Variants in VSIR observed in about 807,000 individuals in gnomAD.
The protein encoded by VSIR is V-set immunoregulatory receptor, also known as V-type immunoglobulin domain-containing suppressor of T-cell activation.
In VSIR, 10 loss-of-function variants were observed where a neutral mutation model predicts 31.0. The ratio of observed to expected loss-of-function variants is 0.32; its 90% confidence interval spans 0.20 to 0.55. VSIR has a LOEUF of 0.55. Ranked by LOEUF, VSIR falls within the 20% of genes least tolerant of loss-of-function variation. The probability of loss-of-function intolerance (pLI) is 0.93; values close to 1 mark genes in which losing one functional copy is unlikely to be tolerated. For synonymous variants in VSIR, 179 were observed against 180.1 expected (o/e 0.99, Z 0.05); for missense variants, 356 against 416.2 (o/e 0.86, Z 1.26).
At position 71,754,554 on chromosome 10, in the gene VSIR, A is replaced by C. The variant is rs1331164163; in HGVS notation, c.676+805T>G. Among the ~76,000 whole-genome samples, 7 of 152,282 alleles carry C rather than the reference A, an allele frequency of 4.6e-5. No homozygotes were observed. The East Asian group carries it at 1.4e-3, about 29-fold the overall frequency. On this transcript the variant is annotated intron_variant, in intron 4 of 6. Coordinates refer to ENST00000394957, the MANE Select transcript of VSIR (RefSeq NM_022153.2). ...CCAAGACTCAAGGGCAGGGTCAGGA[A>C]CTAGGCAAGGGGCACTGTCACCTGG...
intron 4 of VSIR, among the ~76,000 whole-genome samples, chr10:71,753,374 T>A (rs796576039): frequency 1.3e-5 from 2 of 152,356 alleles, no homozygotes; most frequent in African/African-American, 4.8e-5. Flanking sequence ...AACTCTTGAA[T>A]TTGCTAACTG....
At chr10:71,758,228 A>T (rs1224341159) in intron 3 of VSIR, among the ~76,000 whole-genome samples, 1 of 152,162 alleles carries the variant, frequency 6.6e-6, no homozygotes, top group Non-Finnish European at 1.5e-5. Flanking sequence ...CTGAGTAAAA[A>T]GTCACTGTAG....
chr10:71,769,933 T>G (rs1379294312), intron 1 of VSIR, among the ~76,000 whole-genome samples: 1 of 152,122 alleles, frequency 6.6e-6, no homozygotes, highest in Non-Finnish European at 1.5e-5. Flanking sequence ...CAGGCTTGCC[T>G]TCAAGTTGCA....
rs867730028 is a variant in VSIR, at chr10:71,759,854, C to T, written c.568+1014G>A. ...ACACACACACACACACACATATACA[C>T]ACACACACACATATATATACACACA... On this transcript the variant is annotated intron_variant, in intron 3 of 6. Transcript: ENST00000394957. 1.9e-3 allele frequency among the ~76,000 whole-genome samples: 213 copies of T among 109,270 alleles called. 9 individuals are homozygous for T. The highest frequency in any genetic ancestry group is 9.3e-3 in the Middle Eastern group (2 of 214). 71.7% of individuals were successfully genotyped at this position (109,270 alleles called of 152,430 possible).
intron 1 of VSIR, among the ~76,000 whole-genome samples, chr10:71,772,645 A>T (rs1840714076): frequency 6.6e-6 from 1 of 152,194 alleles, no homozygotes; most frequent in South Asian, 2.1e-4. Context: ...GAGATGCCGT[A>T]ATTTATCCAG....
intron 3 of VSIR, among the ~76,000 whole-genome samples, chr10:71,757,817 G>A (rs572685044): frequency 2.6e-5 from 4 of 152,310 alleles, no homozygotes; most frequent in African/African-American, 9.6e-5. Flanking sequence ...GGTGAAAGCA[G>A]ACAGCACATT....
intron 1 of VSIR, among the ~76,000 whole-genome samples, chr10:71,770,096 G>A (rs982091706): frequency 1.5e-4 from 23 of 152,194 alleles, no homozygotes; most frequent in Non-Finnish European, 3.1e-4. Flanking sequence ...TCCCAGTGAA[G>A]CTCACCAATG....
At chr10:71,767,655 C>T (rs749477486) in intron 1 of VSIR, among the ~76,000 whole-genome samples, 13 of 152,202 alleles carry the variant, frequency 8.5e-5, no homozygotes, top group Non-Finnish European at 1.6e-4. Flanking sequence ...ACTGGGGCTG[C>T]CAAGGCTAAG....
Position 71,751,133 on chromosome 10 carries a change from G to T in VSIR, c.*120C>A. Reference sequence around the variant, plus strand: ...GCTTCTGGGATGTCACAGTATCTGAGCCCAGAGCAGGAGGGAGGGAACCAG... The same window carrying T: ...GCTTCTGGGATGTCACAGTATCTGATCCCAGAGCAGGAGGGAGGGAACCAG... On this transcript the variant is annotated 3_prime_UTR_variant, in exon 7 of 7. Transcript: ENST00000394957. This position sits in a 1 kb window ranked among gnomAD's most constrained non-coding sequence, Gnocchi z 4.9. 2 of 1,203,314 alleles carry T rather than the reference G, an allele frequency of 1.7e-6. No homozygotes were observed. The highest frequency in any genetic ancestry group is 2.3e-6 in the Non-Finnish European group (2 of 859,722). 74.5% of individuals were successfully genotyped at this position (1,203,314 alleles called of 1,614,324 possible). A position where few individuals can be genotyped will look rare whatever the true frequency, so the allele number is the denominator to read the frequency against.
intron 1 of VSIR, among the ~76,000 whole-genome samples, chr10:71,767,258 G>C (rs1372529279): frequency 6.6e-6 from 1 of 152,206 alleles, no homozygotes; most frequent in Non-Finnish European, 1.5e-5. Context: ...GGGTGTGTGT[G>C]GGTGTGGACA....
chr10:71,752,789 C>T (rs1410911449), intron 5 of VSIR, among the ~76,000 whole-genome samples, 186 bp downstream of exon 5: 1 of 152,160 alleles, frequency 6.6e-6, no homozygotes, highest in Non-Finnish European at 1.5e-5. Flanking sequence ...CAGAGCTCAG[C>T]CTGCTGAGTC....
chr10:71,756,001 C>T (rs770014936), intron 3 of VSIR, among the ~76,000 whole-genome samples: 4 of 152,024 alleles, frequency 2.6e-5, no homozygotes, highest in Non-Finnish European at 5.9e-5. Context: ...ATAAAAAGCC[C>T]CAACTCATCC....
At chr10:71,754,339 G>A (rs1208423879) in intron 4 of VSIR, among the ~76,000 whole-genome samples, 1 of 152,172 alleles carries the variant, frequency 6.6e-6, no homozygotes, top group African/African-American at 2.4e-5. Flanking sequence ...GGGGCCCCCG[G>A]GAATGAGGGG....
Position 71,765,827 on chromosome 10 carries a change from T to C in VSIR, c.83-3801A>G, listed in dbSNP as rs533025259. 2.0e-5 allele frequency among the ~76,000 whole-genome samples: 3 copies of C among 152,056 alleles called. No homozygotes were observed. The East Asian group carries it at 5.8e-4, about 30-fold the overall frequency. Reference sequence around the variant, plus strand: ...CAAGTTTGGGGAGCAGGGGAGGATGTTCAGTTTTCAAGCAAGAGGGCCAGA... The same window carrying C: ...CAAGTTTGGGGAGCAGGGGAGGATGCTCAGTTTTCAAGCAAGAGGGCCAGA... On this transcript the variant is annotated intron_variant, in intron 1 of 6. Transcript: ENST00000394957.
intron 1 of VSIR, among the ~76,000 whole-genome samples, chr10:71,769,038 G>A (rs1399953894): frequency 6.6e-6 from 1 of 152,192 alleles, no homozygotes; most frequent in Non-Finnish European, 1.5e-5. Context: ...CCTCCTTCTT[G>A]AAGACGGACA....
chr10:71,772,231 G>A (rs539654399), intron 1 of VSIR, among the ~76,000 whole-genome samples: 3 of 152,300 alleles, frequency 2.0e-5, no homozygotes, highest in African/African-American at 7.2e-5. Context: ...AGCTGCCTGT[G>A]GGCACCCAGG....
At position 71,750,649 on chromosome 10, in the gene VSIR, G is replaced by C. The variant is rs1188078796; in HGVS notation, c.*604C>G. On this transcript the variant is annotated 3_prime_UTR_variant, in exon 7 of 7. Coordinates refer to ENST00000394957, the MANE Select transcript of VSIR (RefSeq NM_022153.2). ...GGGGACTGGAATGCAGGCAGTGGAA[G>C]CCCCAGATTGACTTAACCTGTTGAC... 2 of 152,456 alleles carry C rather than the reference G, an allele frequency of 1.3e-5. No homozygotes were observed. Among genetic ancestry groups the C allele is most frequent in the African/African-American group, 4.8e-5 (2 of 41,484 alleles). The allele number at this position is 152,456 out of a possible 1,614,324, so 9.4% of individuals were successfully genotyped here. A position where few individuals can be genotyped will look rare whatever the true frequency, so the allele number is the denominator to read the frequency against.
At chr10:71,756,240 G>T (rs1471113129) in intron 3 of VSIR, among the ~76,000 whole-genome samples, 2 of 152,164 alleles carry the variant, frequency 1.3e-5, no homozygotes, top group Non-Finnish European at 2.9e-5. Flanking sequence ...CTGTGTGCCG[G>T]TTTTTGTGTT....
rs960828685 is a variant in VSIR at position 71,753,130 on chromosome 10, A to C, written c.677-128T>G. On this transcript the variant is annotated intron_variant, in intron 4 of 6. Coordinates refer to ENST00000394957, the MANE Select transcript of VSIR (RefSeq NM_022153.2). The stretch of plus-strand genomic sequence containing the variant: ...CCAGGAGGGCCCTGCACAGCTCCGG[A>C]CTCCATTTCTTTTCACATGGGTGCT... 4.5e-6 allele frequency: 5 copies of C among 1,103,014 alleles called. 1 individual carries two copies. The highest frequency in any genetic ancestry group is 6.4e-6 in the Non-Finnish European group (5 of 784,724). 68.3% of individuals were successfully genotyped at this position (1,103,014 alleles called of 1,614,324 possible). A position where few individuals can be genotyped will look rare whatever the true frequency, so the allele number is the denominator to read the frequency against.
Sources: gnomAD v4.1 joint callset for allele counts (sites outside exome capture counted in the v4.1 genomes callset) on GRCh38, gnomAD v4.1.1 for gene constraint, Gnocchi (gnomAD v3.1) non-coding constraint, MANE v1.5 for transcripts, NCBI Gene and HGNC (gene_info 2026-07-23, HGNC 2026-07-21) for gene names.